EP400: variants seen among roughly 807,000 people sequenced by gnomAD.
EP400 encodes the protein E1A-binding protein p400.
A neutral mutation model predicts 354.1 loss-of-function variants in EP400; 105 were observed. The ratio of observed to expected loss-of-function variants is 0.30; its 90% confidence interval spans 0.25 to 0.35. EP400 has a LOEUF of 0.35. Among genes scored for constraint, EP400 ranks in the 10% least tolerant of loss-of-function variants. The probability of loss-of-function intolerance (pLI) is 1.00; values close to 1 mark genes in which losing one functional copy is unlikely to be tolerated. For missense variants in EP400, 3,280 were observed against 4,121.0 expected, an observed-to-expected ratio of 0.80 and a Z score of 5.59; for synonymous variants, 1,646 against 1,716.9, an observed-to-expected ratio of 0.96 and a Z score of 1.02.
At chr12:132,005,989 T>G in intron 13 of EP400, 123 bp from the exon 14 acceptor site, 2 of 893,390 alleles carry the variant, frequency 2.2e-6, no homozygotes, top group Admixed American at 6.1e-5. Flanking sequence ...AAATAAAAAA[T>G]TATTGCCTAA....
chr12:131,991,847 A>G (rs1343002078), intron 10 of EP400, among the ~76,000 whole-genome samples: 1 of 151,896 alleles, frequency 6.6e-6, no homozygotes, highest in Non-Finnish European at 1.5e-5. Context: ...TTGGCCTCCC[A>G]AAGTGCTAGG....
intron 2 of EP400, among the ~76,000 whole-genome samples, chr12:131,971,627 GT>G (rs1370765456): frequency 3.3e-5 from 5 of 152,078 alleles, no homozygotes; most frequent in Admixed American, 2.6e-4. Context: ...TTAGGGAAAT[GT>G]TTAACAGACA....
At position 132,067,198 on chromosome 12, in the gene EP400, T is replaced by C; in HGVS notation, c.8750-164T>C. 1 of 1,217,982 alleles carries C rather than the reference T, an allele frequency of 8.2e-7. No individual in the cohort carries two copies. The highest frequency in any genetic ancestry group is 1.1e-6 in the Non-Finnish European group (1 of 876,898). The allele number at this position is 1,217,982 out of a possible 1,614,324, so 75.4% of individuals were successfully genotyped here. ...TCCGTCTTAATTTAAGTGTAATTTG[T>C]GAACCCAGAAACATTTTAATGTAGT... is the stretch of plus-strand genomic sequence containing the variant. On this transcript the variant is annotated intron_variant, in intron 49 of 52. Transcript: ENST00000389561. This position sits in a 1 kb window ranked among gnomAD's most constrained non-coding sequence, Gnocchi z 5.3.
chr12:131,964,813 T>C (rs1218466663), intron 2 of EP400, among the ~76,000 whole-genome samples: 1 of 152,210 alleles, frequency 6.6e-6, no homozygotes, highest in African/African-American at 2.4e-5. Context: ...GTGATAAATA[T>C]CAGGAAATTG....
intron 1 of EP400, 44 bp from the exon 2 acceptor site, chr12:131,960,541 T>C (rs7971054): frequency 0.087 from 129,186 of 1,482,696 alleles, 6,888 homozygotes; most frequent in African/African-American, 0.25. Context: ...AATAAAACAG[T>C]TATGTGTGCC....
rs1895417576 is a variant in EP400, at chr12:132,054,546, A to C, written c.7729-428A>C. On this transcript the variant is annotated intron_variant, in intron 43 of 52. Coordinates refer to ENST00000389561, the MANE Select transcript of EP400 (RefSeq NM_015409.5). This position sits in a 1 kb window ranked among gnomAD's most constrained non-coding sequence, Gnocchi z 4.0. Reference sequence around the variant, plus strand: ...GGAAACACCTTTCTGAGGACTTGGCATTTGAGCTAAGGCCTGAATGACAAG... The same window carrying C: ...GGAAACACCTTTCTGAGGACTTGGCCTTTGAGCTAAGGCCTGAATGACAAG... Among the ~76,000 whole-genome samples, 1 of 152,190 alleles carries C rather than the reference A, an allele frequency of 6.6e-6. No individual in the cohort carries two copies. The highest frequency in any genetic ancestry group is 1.5e-5 in the Non-Finnish European group (1 of 68,026).
chr12:131,981,132 G>T (rs1262465150), intron 3 of EP400, among the ~76,000 whole-genome samples: 6 of 152,150 alleles, frequency 3.9e-5, no homozygotes, highest in Non-Finnish European at 8.8e-5. Context: ...CTGGGCATTT[G>T]TGAGTCTGCT....
chr12:132,020,106 C>T lies in EP400; in HGVS notation c.4335C>T (p.Pro1445=), dbSNP rs1350782324. The change falls in exon 22 of 53, where the codon CCC becomes CCT. Residue 1445 remains proline, a synonymous_variant. Transcript: ENST00000389561. ...QKPEGRTVAF[P]STHPPRTAAP... is the part of the protein sequence containing the mutation. The stretch of plus-strand genomic sequence containing the variant: ...CCGAGGGTCGCACCGTGGCTTTCCC[C>T]AGCACTCACCCGCCCCGGACGGCAG... 2 of 1,609,456 alleles carry T rather than the reference C, an allele frequency of 1.2e-6. No individual in the cohort carries two copies. The highest frequency in any genetic ancestry group is 1.3e-5 in the African/African-American group (1 of 74,908).
chr12:132,066,834 C>T lies in EP400; in HGVS notation c.8614C>T (p.Pro2872Ser). The stretch of plus-strand genomic sequence containing the variant: ...GCAGATGCAGACCCAGGCACCCCAG[C>T]CAGCCCAGGTGGCCTTGGCGAAGCC... ...QGQMQTQAPQ[P>S]AQVALAKPPV... The change falls in exon 49 of 53, where the codon CCA becomes TCA. Residue 2872 changes from proline to serine, a missense_variant. By Grantham distance (74) the Pro-to-Ser change is moderately conservative. Around this residue, in one of 20 missense-constraint regions of EP400, gnomAD observed 279 missense variants for 386.7 expected, o/e 0.72. Coordinates refer to ENST00000389561, the MANE Select transcript of EP400 (RefSeq NM_015409.5). The T allele has an allele frequency of 6.2e-7, 1 of 1,614,048 alleles. No homozygotes were observed. The highest frequency in any genetic ancestry group is 8.5e-7 in the Non-Finnish European group (1 of 1,179,996).
chr12:132,053,002 G>A, intron 41 of EP400, 144 bp from the exon 42 acceptor site: 1 of 787,558 alleles, frequency 1.3e-6, no homozygotes, highest in Non-Finnish European at 2.1e-6. Context: ...CTCCTGCAGG[G>A]CACATTGGGC....
intron 2 of EP400, among the ~76,000 whole-genome samples, chr12:131,972,075 GAA>G (rs1004485844): frequency 6.6e-6 from 1 of 152,046 alleles, no homozygotes; most frequent in East Asian, 1.9e-4. Flanking sequence ...TAAGAAAATA[GAA>G]AAGAGTTAAA....
rs920577711 is a variant in EP400, at chr12:132,038,166, A to G, written c.6207+70A>G. On this transcript the variant is annotated intron_variant, in intron 32 of 52. Coordinates refer to ENST00000389561, the MANE Select transcript of EP400 (RefSeq NM_015409.5). The surrounding 1 kb of genome is among the most constrained non-coding windows in gnomAD (Gnocchi z 4.2). The stretch of plus-strand genomic sequence containing the variant: ...CGGCGGAACACCTGCACCCTCCCCC[A>G]GGGTTCTGGGTGCTCAGTCCCCACT... 4 of 1,592,576 alleles carry G rather than the reference A, an allele frequency of 2.5e-6. No homozygotes were observed. The African/African-American group carries it at 5.4e-5, about 21-fold the overall frequency.
intron 23 of EP400, among the ~76,000 whole-genome samples, chr12:132,022,561 G>A (rs966086388): frequency 6.6e-6 from 1 of 152,070 alleles, no homozygotes; most frequent in Non-Finnish European, 1.5e-5. Flanking sequence ...CTGTTGTTCA[G>A]TTGTAGCCGG....
chr12:131,962,598 T>C (rs1052291017), intron 2 of EP400, among the ~76,000 whole-genome samples: 4 of 152,268 alleles, frequency 2.6e-5, no homozygotes, highest in African/African-American at 9.6e-5. Flanking sequence ...AAACTCATTT[T>C]TACAAATACC....
At chr12:132,077,137 C>A (rs1242226185) in intron 52 of EP400, among the ~76,000 whole-genome samples, 1 of 152,240 alleles carries the variant, frequency 6.6e-6, no homozygotes, top group East Asian at 1.9e-4. Context: ...TTTACTACAA[C>A]AACAAAATCA....
chr12:131,979,905 C>A, intron 3 of EP400, 112 bp downstream of exon 3: 1 of 799,578 alleles, frequency 1.3e-6, no homozygotes, highest in Non-Finnish European at 1.9e-6. Context: ...TTTCTTCCTA[C>A]TTTGAAAATT....
At chr12:132,022,480 A>G (rs1309571582) in intron 23 of EP400, among the ~76,000 whole-genome samples, 1 of 152,190 alleles carries the variant, frequency 6.6e-6, no homozygotes, top group Non-Finnish European at 1.5e-5. Context: ...ATCACTAATA[A>G]TTCTGGCATG....
chr12:132,044,961 T>A lies in EP400; in HGVS notation c.6784+8T>A. Reference sequence around the variant, plus strand: ...ACAAAACAGACCCCTCAGGTGCGCATCCCGAGGGCGTCACATGACCTGGGG... The same window carrying A: ...ACAAAACAGACCCCTCAGGTGCGCAACCCGAGGGCGTCACATGACCTGGGG... On this transcript the variant is annotated splice_region_variant and intron_variant, in intron 37 of 52. Coordinates refer to ENST00000389561, the MANE Select transcript of EP400 (RefSeq NM_015409.5). 1 of 1,613,088 alleles carries A rather than the reference T, an allele frequency of 6.2e-7. No homozygotes were observed. The highest frequency in any genetic ancestry group is 8.5e-7 in the Non-Finnish European group (1 of 1,179,650).
Position 132,069,542 on chromosome 12 carries a change from C to A in EP400, c.8922C>A (p.Ala2974=). The A allele has an allele frequency of 6.2e-7, 1 of 1,614,234 alleles. No individual in the cohort carries two copies. Among genetic ancestry groups the A allele is most frequent in the Non-Finnish European group, 8.5e-7 (1 of 1,180,034 alleles). Residue 2974 remains alanine (A), a synonymous_variant, in exon 51 of 53, where the codon GCC becomes GCA. Coordinates refer to ENST00000389561, the MANE Select transcript of EP400 (RefSeq NM_015409.5). ...CCCCTGGCGCGCAGCAGAAGGTTGC[C>A]TACGCCGCGCAGCCGGCCCTTAAGA... ...ITTPGAQQKV[A]YAAQPALKTQ...
Sources: gnomAD v4.1 joint callset for allele counts (sites outside exome capture counted in the v4.1 genomes callset) on GRCh38, gnomAD v4.1.1 for gene constraint, gnomAD v4.1.1 regional missense constraint, Gnocchi (gnomAD v3.1) non-coding constraint, MANE v1.5 for transcripts, NCBI Gene and HGNC (gene_info 2026-07-23, HGNC 2026-07-21) for gene names.